The following CEP41 variants were observed in gnomAD, a reference collection of about 807,000 sequenced individuals.
The protein encoded by CEP41 is centrosomal protein 41, also known as centrosomal protein of 41 kDa.
CEP41 carries 32 observed loss-of-function variants against 44.3 expected under a neutral mutation model. The observed-to-expected ratio is 0.72, with a 90% CI of 0.54 to 0.97. The LOEUF is 0.97. CEP41 is among the 50% of genes least tolerant of loss of function. The probability of loss-of-function intolerance (pLI) is 0.00; values close to 1 mark genes in which losing one functional copy is unlikely to be tolerated. For synonymous variants in CEP41, 151 were observed against 168.5 expected, an observed-to-expected ratio of 0.90 and a Z score of 0.80; for missense variants, 432 against 455.2, an observed-to-expected ratio of 0.95 and a Z score of 0.46.
In CEP41 at chr7:130,400,744, G is replaced by A. The variant is rs556325841; in HGVS notation, c.720C>T (p.Cys240=). Residue 240 remains cysteine, a synonymous_variant, in exon 9 of 11, where the codon TGC becomes TGT. Transcript: ENST00000223208. The part of the protein sequence containing the change: ...RLASQAATTM[C]ERGFENLFML... ...TGAAGAGGTTTTCAAATCCACGCTCGCACATGGTGGTGGCCGCCTGACTGG... is the reference window on the plus strand; with the variant it reads ...TGAAGAGGTTTTCAAATCCACGCTCACACATGGTGGTGGCCGCCTGACTGG... 16 of 1,613,432 alleles carry A rather than the reference G, an allele frequency of 9.9e-6. No homozygotes were observed. In the South Asian group the frequency reaches 1.4e-4, roughly 14 times the overall value.
chr7:130,424,343 T>C (rs1474967791), intron 2 of CEP41, among the ~76,000 whole-genome samples: 1 of 148,872 alleles, frequency 6.7e-6, no homozygotes, highest in East Asian at 2.0e-4. Flanking sequence ...GAGGTTACAG[T>C]GAGCCAAGAT....
intron 2 of CEP41, chr7:130,417,368 T>C: frequency 3.7e-6 from 4 of 1,089,538 alleles, no homozygotes; most frequent in Non-Finnish European, 3.4e-6. Context: ...GTTCTTTGAG[T>C]GTCTAAAATG....
chr7:130,431,292 A>C (rs782060931), intron 1 of CEP41, among the ~76,000 whole-genome samples: 6 of 152,200 alleles, frequency 3.9e-5, no homozygotes, highest in Non-Finnish European at 8.8e-5. Flanking sequence ...CAAAGTGAAG[A>C]AGCTGAAAAA....
At chr7:130,428,594 T>TA (rs1797735267) in intron 1 of CEP41, among the ~76,000 whole-genome samples, 1 of 147,090 alleles carries the variant, frequency 6.8e-6, no homozygotes. Context: ...CACTACCTGA[T>TA]AAGAAAAAAA....
chr7:130,408,597 G>A (rs1044908338), intron 5 of CEP41, among the ~76,000 whole-genome samples: 1 of 152,106 alleles, frequency 6.6e-6, no homozygotes, highest in Admixed American at 6.5e-5. Flanking sequence ...CTTTGGCTAG[G>A]ATGAGGAAAA....
rs536229095 is a variant in CEP41 at position 130,395,165 on chromosome 7, T to G, written c.*3726A>C. 3 of 453,408 alleles carry G rather than the reference T, an allele frequency of 6.6e-6. No individual in the cohort carries two copies. Among genetic ancestry groups the G allele is most frequent in the South Asian group, 4.7e-5 (3 of 64,322 alleles). The allele number at this position is 453,408 out of a possible 1,614,324, so 28.1% of individuals were successfully genotyped here. ...CATTTAAAGATGTCATAATAATAAT[T>G]TCAATAATTATTGTAAATCTAGGAA... is the stretch of plus-strand genomic sequence containing the variant. On this transcript the variant is annotated 3_prime_UTR_variant, in exon 11 of 11. Transcript: ENST00000223208.
rs111994802 is a variant in CEP41, at chr7:130,426,367, G to A, written c.97+1588C>T. ...AGGCACCATTATTGAGTCAAATTTT[G>A]GTTATGAATTGAGAAATTAAAGAGG... On this transcript the variant is annotated intron_variant, in intron 2 of 10. Coordinates refer to ENST00000223208, the MANE Select transcript of CEP41 (RefSeq NM_018718.3). 7.5e-3 allele frequency among the ~76,000 whole-genome samples: 1,133 copies of A among 151,630 alleles called. 14 individuals carry two copies. The highest frequency in any genetic ancestry group is 0.026 in the African/African-American group (1,077 of 41,346).
At chr7:130,408,815 G>A (rs1797088008) in intron 5 of CEP41, among the ~76,000 whole-genome samples, 2 of 152,040 alleles carry the variant, frequency 1.3e-5, no homozygotes, top group South Asian at 2.1e-4. Context: ...AGAAAAAACT[G>A]TAATGCCCAA....
rs1182350320 is a variant in CEP41 at position 130,421,952 on chromosome 7, T to C, written c.98-4986A>G. ...GCCAGGGATTTCATCAGAAGCATAA[T>C]CCATTCATGGCACAGTCTGGCAGTG... On this transcript the variant is annotated intron_variant, in intron 2 of 10. Transcript: ENST00000223208. The C allele has an allele frequency of 4.6e-6, 7 of 1,535,696 alleles. No homozygotes were observed. In the Admixed American group the frequency reaches 5.9e-5, roughly 13 times the overall value.
intron 1 of CEP41, among the ~76,000 whole-genome samples, chr7:130,436,347 T>C (rs930073745): frequency 2.6e-5 from 4 of 151,938 alleles, no homozygotes; most frequent in Middle Eastern, 3.4e-3. Context: ...TGTAAAATTG[T>C]CAAAATGACA....
Position 130,431,898 on chromosome 7 carries a change from C to T in CEP41, c.34-3880G>A, listed in dbSNP as rs573019791. Among the ~76,000 whole-genome samples the T allele has an allele frequency of 2.6e-4, 40 of 152,258 alleles. No individual in the cohort carries two copies. The South Asian group carries it at 7.9e-3, about 30-fold the overall frequency. On this transcript the variant is annotated intron_variant, in intron 1 of 10. Transcript: ENST00000223208. ...TGGATCTCGAACAGGTACCATTTTG[C>T]TCCTTGTACCCCCAAGACATTTGTC...
chr7:130,397,346 G>C lies in CEP41; in HGVS notation c.*1545C>G. On this transcript the variant is annotated 3_prime_UTR_variant, in exon 11 of 11. Transcript: ENST00000223208. ...GGTTTGTTTGATTTCTAAAGCATCG[G>C]AAAATGTTGCACTTTGGAAATCAAG... 1 of 454,346 alleles carries C rather than the reference G, an allele frequency of 2.2e-6. No homozygotes were observed. Among genetic ancestry groups the C allele is most frequent in the Non-Finnish European group, 4.4e-6 (1 of 226,762 alleles). 28.1% of individuals were successfully genotyped at this position (454,346 alleles called of 1,614,324 possible).
intron 6 of CEP41, among the ~76,000 whole-genome samples, chr7:130,403,781 C>T (rs950724491): frequency 6.6e-6 from 1 of 152,158 alleles, no homozygotes; most frequent in Non-Finnish European, 1.5e-5. Flanking sequence ...AAACTGCATC[C>T]TCAGTGGAAG....
At chr7:130,426,526 A>G (rs1584899453) in intron 2 of CEP41, 1 of 366,176 alleles carries the variant, frequency 2.7e-6, no homozygotes, top group Admixed American at 4.0e-5. Flanking sequence ...TAATTATAAG[A>G]AAGTATACAG....
intron 1 of CEP41, among the ~76,000 whole-genome samples, chr7:130,430,150 C>A (rs1323069900): frequency 1.3e-5 from 2 of 152,106 alleles, no homozygotes; most frequent in Non-Finnish European, 2.9e-5. Flanking sequence ...ATCTGTTGGC[C>A]AGAGTTTTGG....
chr7:130,403,980 C>T (rs912889266), intron 6 of CEP41, among the ~76,000 whole-genome samples: 13 of 152,160 alleles, frequency 8.5e-5, no homozygotes, highest in African/African-American at 2.4e-4. Flanking sequence ...ATCAGTACTG[C>T]CCTATAATCA....
chr7:130,399,385 A>C, intron 10 of CEP41: 1 of 330,730 alleles, frequency 3.0e-6, no homozygotes. Context: ...GGTGAAACTA[A>C]GGTAGGAAGA....
chr7:130,419,504 A>G (rs1298286532), intron 2 of CEP41: 20 of 983,984 alleles, frequency 2.0e-5, no homozygotes, highest in Non-Finnish European at 2.4e-5. Flanking sequence ...AATCCATTTC[A>G]TAATTCACTT....
Position 130,395,004 on chromosome 7 carries a change from G to C in CEP41, c.*3887C>G, listed in dbSNP as rs62471754. 57,270 of 453,986 alleles carry C rather than the reference G, an allele frequency of 0.13. 3,956 individuals carry two copies. The highest frequency in any genetic ancestry group is 0.17 in the South Asian group (11,058 of 64,478). 28.1% of individuals were successfully genotyped at this position (453,986 alleles called of 1,614,324 possible). ...AAGAGGATCAGCAACAGAGAGGGGA[G>C]CCATCAGGGGATCACAATGTGACAG... On this transcript the variant is annotated 3_prime_UTR_variant, in exon 11 of 11. Transcript: ENST00000223208.
Sources: gnomAD v4.1 joint callset for allele counts (sites outside exome capture counted in the v4.1 genomes callset) on GRCh38, gnomAD v4.1.1 for gene constraint, MANE v1.5 for transcripts, NCBI Gene and HGNC (gene_info 2026-07-23, HGNC 2026-07-21) for gene names.